CASR: variants seen among roughly 807,000 people sequenced by gnomAD.
CASR encodes calcium sensing receptor.
Under a neutral mutation model 69.1 loss-of-function variants are expected in CASR, and 23 were observed. That is an observed-to-expected ratio of 0.33 (90% CI 0.24 to 0.47). The LOEUF (loss-of-function observed/expected upper bound fraction) is 0.47. Ranked by LOEUF, CASR falls within the 20% of genes least tolerant of loss-of-function variation. The probability of loss-of-function intolerance (pLI) is 1.00; values close to 1 mark genes in which losing one functional copy is unlikely to be tolerated. For synonymous variants in CASR, 541 were observed against 544.7 expected (o/e 0.99, Z 0.10); for missense variants, 924 against 1,356.1 (o/e 0.68, Z 5.00).
At chr3:122,215,239 T>G (rs2074106007) in intron 1 of CASR, among the ~76,000 whole-genome samples, 1 of 152,230 alleles carries the variant, frequency 6.6e-6, no homozygotes, top group Admixed American at 6.5e-5. Flanking sequence ...TAAACCATCA[T>G]GCTGGTATGT....
At chr3:122,267,972 G>A (rs762716104) in intron 4 of CASR, among the ~76,000 whole-genome samples, 3 of 152,142 alleles carry the variant, frequency 2.0e-5, no homozygotes, top group Non-Finnish European at 2.9e-5. Context: ...TTAACCTGTT[G>A]TAACTAGAGA....
intron 2 of CASR, 23 bp from the exon 3 acceptor site, chr3:122,257,058 C>A: frequency 6.2e-7 from 1 of 1,610,046 alleles, no homozygotes; most frequent in Non-Finnish European, 8.5e-7. Context: ...TTCCCATTTT[C>A]TTCCACTTCT....
chr3:122,283,573 G>C (rs977441120), intron 6 of CASR, 114 bp from the exon 7 acceptor site: 2 of 806,428 alleles, frequency 2.5e-6, no homozygotes, highest in Non-Finnish European at 4.3e-6. Flanking sequence ...TCAAAATGGA[G>C]AAAATATGTA....
chr3:122,280,211 C>A (rs956906819), intron 5 of CASR, among the ~76,000 whole-genome samples: 1 of 152,140 alleles, frequency 6.6e-6, no homozygotes, highest in Non-Finnish European at 1.5e-5. Flanking sequence ...GAACATACCT[C>A]GAAATAATAA....
chr3:122,287,497 G>A lies in CASR; in HGVS notation c.*2306G>A, dbSNP rs760368468. ...TAGTGACAGAAACTTCATCTTAGTCGAATCGGGGTTTTCACAGTAACCTCA... is the reference window on the plus strand; with the variant it reads ...TAGTGACAGAAACTTCATCTTAGTCAAATCGGGGTTTTCACAGTAACCTCA... On this transcript the variant is annotated 3_prime_UTR_variant, in exon 7 of 7. Coordinates refer to ENST00000639785, the MANE Select transcript of CASR (RefSeq NM_000388.4). 2.6e-5 allele frequency: 4 copies of A among 152,162 alleles called. No individual in the cohort carries two copies. Among genetic ancestry groups the A allele is most frequent in the East Asian group, 1.9e-4 (1 of 5,200 alleles). 9.4% of individuals were successfully genotyped at this position (152,162 alleles called of 1,614,324 possible).
intron 1 of CASR, among the ~76,000 whole-genome samples, chr3:122,242,618 TA>T (rs1424829915): frequency 6.6e-6 from 1 of 152,074 alleles, no homozygotes; most frequent in Non-Finnish European, 1.5e-5. Flanking sequence ...ATAAAAGATT[TA>T]AGGCAACTCC....
intron 1 of CASR, among the ~76,000 whole-genome samples, chr3:122,242,497 A>G (rs1402643063): frequency 6.6e-6 from 1 of 152,160 alleles, no homozygotes; most frequent in Non-Finnish European, 1.5e-5. Flanking sequence ...TACAATGAAA[A>G]CTATAAAACA....
chr3:122,245,971 C>T (rs1559951486), intron 1 of CASR, among the ~76,000 whole-genome samples: 1 of 152,200 alleles, frequency 6.6e-6, no homozygotes, highest in Non-Finnish European at 1.5e-5. Context: ...AATTACTTCC[C>T]TTTTCAGTAA....
chr3:122,231,808 T>C (rs1360516085), intron 1 of CASR, among the ~76,000 whole-genome samples: 3 of 152,072 alleles, frequency 2.0e-5, no homozygotes, highest in African/African-American at 7.2e-5. Context: ...TTTTATAGCC[T>C]TTTTCACACT....
intron 1 of CASR, among the ~76,000 whole-genome samples, chr3:122,252,527 G>A (rs1017587057): frequency 2.7e-5 from 4 of 148,226 alleles, no homozygotes; most frequent in Non-Finnish European, 6.0e-5. Context: ...GAAAGAAGGC[G>A]GGGAGGGGAG....
chr3:122,270,653 A>G (rs2074747918), intron 4 of CASR, among the ~76,000 whole-genome samples: 1 of 152,176 alleles, frequency 6.6e-6, no homozygotes, highest in Non-Finnish European at 1.5e-5. Context: ...AAATTTCACT[A>G]TAAATATTTT....
intron 1 of CASR, among the ~76,000 whole-genome samples, chr3:122,184,026 G>A (rs1003664414): frequency 6.6e-6 from 1 of 152,286 alleles, no homozygotes; most frequent in African/African-American, 2.4e-5. Flanking sequence ...CACGGGAGAG[G>A]GCAGGAGAGG....
At chr3:122,233,290 AG>A (rs2074297077) in intron 1 of CASR, among the ~76,000 whole-genome samples, 1 of 152,220 alleles carries the variant, frequency 6.6e-6, no homozygotes, top group South Asian at 2.1e-4. Flanking sequence ...GTCCAAGCAC[AG>A]GGTGTTCCTC....
chr3:122,275,227 T>C (rs186391104), intron 4 of CASR, among the ~76,000 whole-genome samples: 2 of 152,354 alleles, frequency 1.3e-5, no homozygotes, highest in East Asian at 3.9e-4. Context: ...TTGTGACATA[T>C]AAAACCTTAT....
At chr3:122,256,876 C>T (rs1576854080) in intron 2 of CASR, among the ~76,000 whole-genome samples, 1 of 152,242 alleles carries the variant, frequency 6.6e-6, no homozygotes, top group Admixed American at 6.5e-5. Context: ...CCGCCTCGGC[C>T]TCCCGAAGTG....
At chr3:122,252,163 G>A (rs1351859181) in intron 1 of CASR, among the ~76,000 whole-genome samples, 2 of 151,396 alleles carry the variant, frequency 1.3e-5, no homozygotes, top group Non-Finnish European at 2.9e-5. Flanking sequence ...CCAGGTGTGG[G>A]TAGCATGTGT....
chr3:122,273,483 T>C (rs1254880215), intron 4 of CASR, among the ~76,000 whole-genome samples: 1 of 152,186 alleles, frequency 6.6e-6, no homozygotes, highest in South Asian at 2.1e-4. Context: ...GTTTCCTACC[T>C]CTTCACTTTT....
intron 4 of CASR, among the ~76,000 whole-genome samples, chr3:122,271,084 C>T (rs1035465873): frequency 5.3e-5 from 8 of 152,090 alleles, no homozygotes; most frequent in Admixed American, 1.3e-4. Context: ...TCAGCTAATA[C>T]GAATGCCCTA....
At chr3:122,268,626 G>A (rs2074720699) in intron 4 of CASR, among the ~76,000 whole-genome samples, 2 of 152,220 alleles carry the variant, frequency 1.3e-5, no homozygotes, top group Admixed American at 1.3e-4. Context: ...GAGTCTATTA[G>A]ACATCTCTGT....
Sources: gnomAD v4.1 joint callset for allele counts (sites outside exome capture counted in the v4.1 genomes callset) on GRCh38, gnomAD v4.1.1 for gene constraint, MANE v1.5 for transcripts, NCBI Gene and HGNC (gene_info 2026-07-23, HGNC 2026-07-21) for gene names.